LZIC: variants seen among roughly 807,000 people sequenced by gnomAD.
The protein encoded by LZIC is leucine zipper and CTNNBIP1 domain containing, also known as protein LZIC.
LZIC carries 28 observed loss-of-function variants against 25.4 expected under a neutral mutation model. The ratio of observed to expected loss-of-function variants is 1.10; its 90% CI spans 0.82 to 1.51. The LOEUF (loss-of-function observed/expected upper bound fraction) is 1.51, where lower values mean the gene tolerates loss of function less well. Among genes scored for constraint, LZIC ranks in the 40% most tolerant of loss-of-function variants. The pLI is 0.00. For missense variants in LZIC, 170 were observed against 211.1 expected, an observed-to-expected ratio of 0.81 and a Z score of 1.21; for synonymous variants, 65 against 70.7, an observed-to-expected ratio of 0.92 and a Z score of 0.40.
chr1:9,932,096 AGGC>A, intron 6 of LZIC, 124 bp from the exon 7 acceptor site: 1 of 64,562 alleles, frequency 1.5e-5, no homozygotes, highest in Non-Finnish European at 2.6e-5. Flanking sequence ...GCACTTTGGG[AGGC>A]GTGGGGGGGG....
At chr1:9,937,148 C>T (rs1029611683) in intron 2 of LZIC, among the ~76,000 whole-genome samples, 2 of 152,174 alleles carry the variant, frequency 1.3e-5, no homozygotes, top group Admixed American at 1.3e-4. Flanking sequence ...AATCCCAGCA[C>T]TTTGGGAGGC....
chr1:9,935,011 G>T, intron 4 of LZIC, 151 bp from the exon 5 acceptor site: 1 of 669,846 alleles, frequency 1.5e-6, no homozygotes, highest in East Asian at 2.6e-5. Context: ...GGAAGGATAT[G>T]TTGTGTATGC....
rs551058536 is a variant in LZIC at position 9,928,323 on chromosome 1, G to A, written c.*2076C>T. 7.9e-5 allele frequency among the ~76,000 whole-genome samples: 12 copies of A among 151,666 alleles called. No individual in the cohort carries two copies. The highest frequency in any genetic ancestry group is 9.7e-5 in the African/African-American group (4 of 41,354). ...GTGAAACTCCATCTCAAAAAACAAC[G>A]ACAACAACAACAACACAACAACAAA... On this transcript the variant is annotated 3_prime_UTR_variant, in exon 8 of 8. Coordinates refer to ENST00000377223, the MANE Select transcript of LZIC (RefSeq NM_032368.5).
intron 2 of LZIC, among the ~76,000 whole-genome samples, chr1:9,940,774 GATC>G (rs148186966): frequency 6.6e-6 from 1 of 152,294 alleles, no homozygotes; most frequent in Non-Finnish European, 1.5e-5. Context: ...AGTCATCTAT[GATC>G]ATTAATGATA....
chr1:9,925,483 C>T (rs1639959471), downstream of LZIC, among the ~76,000 whole-genome samples: 1 of 152,200 alleles, frequency 6.6e-6, no homozygotes, highest in African/African-American at 2.4e-5. Flanking sequence ...AAGCAATAAG[C>T]AGTGTGATTT....
Position 9,935,618 on chromosome 1 carries a change from A to G in LZIC, c.111T>C (p.Leu37=), listed in dbSNP as rs1043288295. 9 of 1,599,938 alleles carry G rather than the reference A, an allele frequency of 5.6e-6. No homozygotes were observed. In the Admixed American group the frequency reaches 1.6e-4, roughly 29 times the overall value. The change falls in exon 4 of 8, where the codon CTT becomes CTC. Residue 37 remains leucine (L), a synonymous_variant. Transcript: ENST00000377223. ...TGGTTTCTTCATATTCATCTGTATC[A>G]AGTTCCTCTCTGAAATAGGTGAACA... ...LQDLEECREE[L]DTDEYEETKK...
intron 2 of LZIC, among the ~76,000 whole-genome samples, chr1:9,939,848 G>C (rs1370057507): frequency 3.3e-5 from 5 of 152,124 alleles, no homozygotes; most frequent in African/African-American, 1.2e-4. Flanking sequence ...GCCAGGCATG[G>C]TGTCTCACAC....
chr1:9,925,157 C>CAAAAAAAAA (rs35578033), downstream of LZIC, among the ~76,000 whole-genome samples: 8 of 101,306 alleles, frequency 7.9e-5, no homozygotes, highest in Middle Eastern at 4.8e-3. Context: ...ACTAAAAATA[C>CAAAAAAAAA]AAAAAAAAAA....
chr1:9,940,762 TAA>T (rs1010568640), intron 2 of LZIC, among the ~76,000 whole-genome samples: 95 of 152,328 alleles, frequency 6.2e-4, no homozygotes, highest in African/African-American at 2.1e-3. Flanking sequence ...AAAATTGGCA[TAA>T]GTCATCTATG....
downstream of LZIC, among the ~76,000 whole-genome samples, chr1:9,923,519 T>TTC (rs1639910111): frequency 3.7e-4 from 2 of 5,372 alleles, no homozygotes; most frequent in Admixed American, 9.9e-3. Flanking sequence ...CCAATGCTTC[T>TTC]TTTTTTTTTT....
intron 4 of LZIC, 70 bp from the exon 5 acceptor site, chr1:9,934,930 C>T (rs747721084): frequency 5.7e-5 from 63 of 1,111,908 alleles, no homozygotes; most frequent in South Asian, 2.0e-4. Flanking sequence ...AACTGATTGA[C>T]GGATCCTTAA....
chr1:9,940,720 T>A (rs1233715706), intron 2 of LZIC, among the ~76,000 whole-genome samples: 1 of 152,198 alleles, frequency 6.6e-6, no homozygotes, highest in Non-Finnish European at 1.5e-5. Context: ...CAAAATTAAA[T>A]ATAATGACAA....
chr1:9,940,042 C>G (rs970433315), intron 2 of LZIC, among the ~76,000 whole-genome samples: 2 of 151,896 alleles, frequency 1.3e-5, no homozygotes, highest in African/African-American at 4.8e-5. Context: ...TCATCCAAGC[C>G]TTGGAGGCAG....
At chr1:9,937,660 A>G (rs921068375) in intron 2 of LZIC, among the ~76,000 whole-genome samples, 3 of 151,676 alleles carry the variant, frequency 2.0e-5, no homozygotes, top group Non-Finnish European at 2.9e-5. Context: ...CAGCCTGGCC[A>G]ATATAGTGAG....
At chr1:9,942,886 G>A (rs1321112826) in intron 1 of LZIC, 104 bp from the exon 2 acceptor site, 2 of 366,772 alleles carry the variant, frequency 5.5e-6, no homozygotes, top group Non-Finnish European at 1.1e-5. Context: ...GACATCAAGG[G>A]CGGGGGCACT....
rs1034199963 is a variant in LZIC, at chr1:9,926,969, T to A, written c.*3430A>T. Among the ~76,000 whole-genome samples the A allele has an allele frequency of 6.6e-6, 1 of 152,238 alleles. No individual in the cohort carries two copies. Among genetic ancestry groups the A allele is most frequent in the African/African-American group, 2.4e-5 (1 of 41,464 alleles). ...TATATCCTATGGTGCTTAGAATGGTTGTTAAATGGTGAGTTAGTTTTCCAA... is the reference window on the plus strand; with the variant it reads ...TATATCCTATGGTGCTTAGAATGGTAGTTAAATGGTGAGTTAGTTTTCCAA... On this transcript the variant is annotated 3_prime_UTR_variant, in exon 8 of 8. Coordinates refer to ENST00000377223, the MANE Select transcript of LZIC (RefSeq NM_032368.5).
intron 7 of LZIC, 61 bp from the exon 8 acceptor site, chr1:9,930,518 T>C (rs1473092633): frequency 6.2e-7 from 1 of 1,601,264 alleles, no homozygotes; most frequent in Non-Finnish European, 8.5e-7. Context: ...CAATTCCTGG[T>C]AAAGTGGGAA....
At chr1:9,924,633 C>T (rs151057191), downstream of LZIC, among the ~76,000 whole-genome samples, 2,436 of 152,224 alleles carry the variant, frequency 0.016, 60 homozygotes, top group African/African-American at 0.054. Context: ...GGATTATAGG[C>T]GTGAACCACC....
chr1:9,930,475 T>C lies in LZIC; in HGVS notation c.515-18A>G. 6.2e-7 allele frequency: 1 copy of C among 1,611,988 alleles called. No individual in the cohort carries two copies. The highest frequency in any genetic ancestry group is 8.5e-7 in the Non-Finnish European group (1 of 1,179,306). On this transcript the variant is annotated intron_variant, in intron 7 of 7. Transcript: ENST00000377223. ...TCCAGAGCCTAAGAAAAAAGACACA[T>C]AATAAACAAAAAGATTATTTCAAGT... is the stretch of plus-strand genomic sequence containing the variant.
Sources: allele counts gnomAD v4.1 joint callset (sites outside exome capture counted in the v4.1 genomes callset), GRCh38; gene constraint gnomAD v4.1.1; transcripts MANE v1.5; gene names NCBI Gene and HGNC (gene_info 2026-07-23, HGNC 2026-07-21).